Variants in ZMAT4 observed in about 807,000 individuals in gnomAD.
ZMAT4 encodes zinc finger matrin-type 4, also known as zinc finger matrin-type protein 4.
A neutral mutation model predicts 28.7 loss-of-function variants in ZMAT4; 17 were observed. That is an observed-to-expected ratio of 0.59 (90% CI 0.41 to 0.89). The LOEUF is 0.89. ZMAT4 is among the 40% of genes least tolerant of loss of function. The pLI, the probability that ZMAT4 is intolerant of heterozygous loss-of-function variation, is 0.00. For synonymous variants in ZMAT4, 117 were observed against 109.2 expected (o/e 1.07, Z -0.44); for missense variants, 240 against 283.8 (o/e 0.85, Z 1.11).
intron 2 of ZMAT4, among the ~76,000 whole-genome samples, chr8:40,777,193 A>G (rs1237637870): frequency 6.6e-6 from 1 of 152,244 alleles, no homozygotes; most frequent in African/African-American, 2.4e-5. Flanking sequence ...ACAAGATATT[A>G]CAAAATAAAT....
rs1380199766 is a variant in ZMAT4 at position 40,568,367 on chromosome 8, G to A, written c.674+12798C>T. ...CAGAAGACCACAAGAAACTCAGAATGAGAATCGTCTTTCGAGACCTTTCCT... is the reference window on the plus strand; with the variant it reads ...CAGAAGACCACAAGAAACTCAGAATAAGAATCGTCTTTCGAGACCTTTCCT... On this transcript the variant is annotated intron_variant, in intron 6 of 6. Coordinates refer to ENST00000297737, the MANE Select transcript of ZMAT4 (RefSeq NM_024645.3). 2.6e-5 allele frequency among the ~76,000 whole-genome samples: 4 copies of A among 152,118 alleles called. No homozygotes were observed. The East Asian group carries it at 7.7e-4, about 29-fold the overall frequency.
intron 5 of ZMAT4, among the ~76,000 whole-genome samples, chr8:40,669,843 T>A (rs963776757): frequency 6.6e-6 from 1 of 152,138 alleles, no homozygotes; most frequent in Non-Finnish European, 1.5e-5. Flanking sequence ...GGCGACACAT[T>A]TAACAAATGA....
At chr8:40,569,764 A>G (rs537946181) in intron 6 of ZMAT4, among the ~76,000 whole-genome samples, 98 of 152,288 alleles carry the variant, frequency 6.4e-4, no homozygotes, top group African/African-American at 2.2e-3. Flanking sequence ...AGGCCTCCAC[A>G]ATGTTGTTCT....
intron 1 of ZMAT4, among the ~76,000 whole-genome samples, chr8:40,837,873 G>T (rs1816554194): frequency 6.6e-6 from 1 of 152,212 alleles, no homozygotes; most frequent in South Asian, 2.1e-4. Flanking sequence ...GGTACCAGTG[G>T]CACCTGCCAA....
intron 6 of ZMAT4, among the ~76,000 whole-genome samples, chr8:40,542,236 AAG>A (rs915225789): frequency 2.0e-5 from 3 of 152,104 alleles, no homozygotes; most frequent in Non-Finnish European, 4.4e-5. Flanking sequence ...GATGGAGAAA[AAG>A]AAGTTGGGAA....
intron 4 of ZMAT4, among the ~76,000 whole-genome samples, chr8:40,677,939 C>T (rs528884166): frequency 1.5e-4 from 23 of 152,248 alleles, no homozygotes; most frequent in Non-Finnish European, 2.2e-4. Context: ...CAACATTAAA[C>T]TCACCAGGCT....
chr8:40,742,845 A>G (rs901031266), intron 3 of ZMAT4, among the ~76,000 whole-genome samples: 3 of 152,192 alleles, frequency 2.0e-5, no homozygotes, highest in Non-Finnish European at 4.4e-5. Context: ...GAAAAAGCAC[A>G]AAGAATAAAA....
intron 5 of ZMAT4, among the ~76,000 whole-genome samples, chr8:40,584,367 G>A (rs539697543): frequency 2.0e-5 from 3 of 152,236 alleles, no homozygotes; most frequent in Admixed American, 6.5e-5. Context: ...CTCTTTTCCC[G>A]TGTTAAGTGG....
chr8:40,654,298 T>A (rs764987107), intron 5 of ZMAT4, among the ~76,000 whole-genome samples: 7 of 152,108 alleles, frequency 4.6e-5, no homozygotes, highest in Non-Finnish European at 8.8e-5. Flanking sequence ...CTGAACCTCC[T>A]CCTGTTCTGG....
intron 3 of ZMAT4, among the ~76,000 whole-genome samples, chr8:40,740,758 G>A (rs768284429): frequency 6.6e-6 from 1 of 152,292 alleles, no homozygotes; most frequent in East Asian, 1.9e-4. Context: ...AAATCTGTGT[G>A]CTCTAACTCC....
intron 2 of ZMAT4, among the ~76,000 whole-genome samples, chr8:40,777,678 G>T (rs1813655568): frequency 6.6e-6 from 1 of 152,186 alleles, no homozygotes; most frequent in African/African-American, 2.4e-5. Flanking sequence ...CATGTGAATG[G>T]ATAGCCACTG....
intron 5 of ZMAT4, among the ~76,000 whole-genome samples, chr8:40,668,482 A>AG (rs1365262154): frequency 6.6e-6 from 1 of 151,360 alleles, no homozygotes; most frequent in African/African-American, 2.4e-5. Flanking sequence ...AAAAAAAAAA[A>AG]AAAAGAAAAG....
intron 1 of ZMAT4, among the ~76,000 whole-genome samples, chr8:40,881,023 C>T (rs1344879975): frequency 6.6e-6 from 1 of 152,146 alleles, no homozygotes; most frequent in Non-Finnish European, 1.5e-5. Context: ...CTGGTTTCGT[C>T]TAACCTCTCT....
chr8:40,608,189 A>G (rs1165023843), intron 5 of ZMAT4, among the ~76,000 whole-genome samples: 1 of 152,162 alleles, frequency 6.6e-6, no homozygotes, highest in African/African-American at 2.4e-5. Context: ...AAGAAAGACC[A>G]TCAGATGGGG....
At chr8:40,696,738 AAT>A (rs1428955524) in intron 4 of ZMAT4, among the ~76,000 whole-genome samples, 1 of 152,206 alleles carries the variant, frequency 6.6e-6, no homozygotes, top group Non-Finnish European at 1.5e-5. Context: ...CAGAAAAAAA[AAT>A]AAATAAATCA....
rs141643854 is a variant in ZMAT4 at position 40,606,778 on chromosome 8, A to G, written c.578-25517T>C. ...GATTATTCCAGGGAATTGTTGCTTGATTATTCCCTCAAATATGTTTCCCAA... is the reference window on the plus strand; with the variant it reads ...GATTATTCCAGGGAATTGTTGCTTGGTTATTCCCTCAAATATGTTTCCCAA... On this transcript the variant is annotated intron_variant, in intron 5 of 6. Coordinates refer to ENST00000297737, the MANE Select transcript of ZMAT4 (RefSeq NM_024645.3). Among the ~76,000 whole-genome samples, 326 of 152,328 alleles carry G rather than the reference A, an allele frequency of 2.1e-3. 1 individual carries two copies. Among genetic ancestry groups the G allele is most frequent in the African/African-American group, 7.6e-3 (318 of 41,582 alleles).
chr8:40,836,101 T>G (rs978442938), intron 1 of ZMAT4, among the ~76,000 whole-genome samples: 3 of 152,200 alleles, frequency 2.0e-5, no homozygotes, highest in Non-Finnish European at 4.4e-5. Flanking sequence ...CTTTCAGATT[T>G]CAGAGCTGGT....
chr8:40,869,743 C>G (rs568771453), intron 1 of ZMAT4, among the ~76,000 whole-genome samples: 10 of 152,184 alleles, frequency 6.6e-5, no homozygotes, highest in Non-Finnish European at 1.5e-4. Flanking sequence ...CAAAAAGCAG[C>G]TATTCCTGAC....
chr8:40,844,246 C>A lies in ZMAT4; in HGVS notation c.-4-18566G>T, dbSNP rs77291308. ...AGGGATGCCCAGAGAGCTGGTAAAA[C>A]AGTATTTCTGGGTATGTCAATGATG... On this transcript the variant is annotated intron_variant, in intron 1 of 6. Transcript: ENST00000297737. Among the ~76,000 whole-genome samples, 470 of 152,262 alleles carry A rather than the reference C, an allele frequency of 3.1e-3. 4 individuals carry two copies. Among genetic ancestry groups the A allele is most frequent in the African/African-American group, 0.01 (436 of 41,556 alleles).
Sources: gnomAD v4.1 joint callset for allele counts (sites outside exome capture counted in the v4.1 genomes callset) on GRCh38, gnomAD v4.1.1 for gene constraint, MANE v1.5 for transcripts, NCBI Gene and HGNC (gene_info 2026-07-23, HGNC 2026-07-21) for gene names.